Variants in ACOT11 observed in about 807,000 individuals in gnomAD.
The protein encoded by ACOT11 is acyl-coenzyme A thioesterase 11.
In ACOT11, 69 loss-of-function variants were observed where a neutral mutation model predicts 77.5. The ratio of observed to expected loss-of-function variants is 0.89; its 90% CI spans 0.73 to 1.09. The LOEUF (loss-of-function observed/expected upper bound fraction) is 1.09. Among genes scored for constraint, ACOT11 ranks in the 50% least tolerant of loss-of-function variants. The pLI, the probability that ACOT11 is intolerant of heterozygous loss-of-function variation, is 0.00. For missense variants in ACOT11, 766 were observed against 813.7 expected, an observed-to-expected ratio of 0.94 and a Z score of 0.71; for synonymous variants, 279 against 313.0, an observed-to-expected ratio of 0.89 and a Z score of 1.15.
chr1:54,594,440 G>A (rs565387843), intron 5 of ACOT11, 116 bp from the exon 6 acceptor site: 1 of 1,348,916 alleles, frequency 7.4e-7, no homozygotes, highest in African/African-American at 1.5e-5. Flanking sequence ...GAACTGAGCA[G>A]CAGCCCACGC....
chr1:54,623,470 G>A, intron 15 of ACOT11: 1 of 1,137,680 alleles, frequency 8.8e-7, no homozygotes, highest in African/African-American at 1.5e-5. Context: ...CTGGAATCCT[G>A]TGGGAGGCAG....
At chr1:54,621,860 T>G (rs1054475719) in intron 15 of ACOT11, 3 of 152,320 alleles carry the variant, frequency 2.0e-5, no homozygotes, top group African/African-American at 7.2e-5. Flanking sequence ...GGGGAAGAGA[T>G]GAGCTCAGCC....
At chr1:54,589,684 G>A (rs558536964) in intron 3 of ACOT11, among the ~76,000 whole-genome samples, 11 of 151,802 alleles carry the variant, frequency 7.2e-5, no homozygotes, top group Non-Finnish European at 1.5e-4. Flanking sequence ...ATGAGGTCTC[G>A]CTATGTTGAC....
intron 16 of ACOT11, chr1:54,630,981 C>T (rs4320822): frequency 0.016 from 8,459 of 525,252 alleles, 110 homozygotes; most frequent in Admixed American, 0.03. Flanking sequence ...ACACTGATAA[C>T]GAGGAGGAAC....
intron 16 of ACOT11, among the ~76,000 whole-genome samples, chr1:54,631,455 C>T (rs148146142): frequency 1.0e-3 from 159 of 152,260 alleles, no homozygotes; most frequent in African/African-American, 3.6e-3. Context: ...CTGACTGGGA[C>T]GCTCTTACTT....
At chr1:54,627,391 G>A (rs1644277926) in intron 15 of ACOT11, among the ~76,000 whole-genome samples, 1 of 134,816 alleles carries the variant, frequency 7.4e-6, no homozygotes, top group South Asian at 2.5e-4. Flanking sequence ...CTGGTTTTTG[G>A]CAGGAGGAAC....
At chr1:54,616,519 G>A (rs903662731) in intron 15 of ACOT11, among the ~76,000 whole-genome samples, 2 of 151,888 alleles carry the variant, frequency 1.3e-5, no homozygotes, top group Non-Finnish European at 2.9e-5. Context: ...ATTTACAGGC[G>A]TGTGCCACCA....
chr1:54,613,538 T>C (rs1037696477), downstream of ACOT11, among the ~76,000 whole-genome samples: 2 of 152,120 alleles, frequency 1.3e-5, no homozygotes, highest in African/African-American at 4.8e-5. Flanking sequence ...TCCGCTCACC[T>C]TGGCCTCCCA....
chr1:54,635,375 T>C (rs1044717746), exon 17 of ACOT11: 3 of 299,296 alleles, frequency 1.0e-5, no homozygotes, highest in Admixed American at 9.6e-5. Context: ...TCTGGAACCA[T>C]GGCGGTATAG....
intron 4 of ACOT11, among the ~76,000 whole-genome samples, chr1:54,593,567 T>G (rs1219799257): frequency 6.7e-6 from 1 of 149,862 alleles, no homozygotes; most frequent in Non-Finnish European, 1.5e-5. Flanking sequence ...CCCAAAATTC[T>G]AGAATTACAG....
At chr1:54,569,252 G>A (rs1653852598) in intron 1 of ACOT11, among the ~76,000 whole-genome samples, 1 of 151,946 alleles carries the variant, frequency 6.6e-6, no homozygotes. Flanking sequence ...ATGAGCCACT[G>A]TGTCTGGCAG....
At chr1:54,575,658 C>T (rs1654087690) in intron 1 of ACOT11, among the ~76,000 whole-genome samples, 1 of 152,246 alleles carries the variant, frequency 6.6e-6, no homozygotes, top group Admixed American at 6.5e-5. Context: ...AGAGTTTCTG[C>T]ATAGTAGATC....
chr1:54,602,994 A>G (rs1047582155), intron 10 of ACOT11, among the ~76,000 whole-genome samples: 6 of 152,234 alleles, frequency 3.9e-5, no homozygotes, highest in Admixed American at 6.5e-5. Context: ...AGTCCAGCCG[A>G]TTTTAAATCC....
In ACOT11 at chr1:54,601,354, G is replaced by C. The variant is rs1421124315; in HGVS notation, c.970G>C (p.Val324Leu). The C allele has an allele frequency of 6.2e-7, 1 of 1,613,772 alleles. No individual in the cohort carries two copies. Among genetic ancestry groups the C allele is most frequent in the East Asian group, 2.2e-5 (1 of 44,876 alleles). The change falls in exon 9 of 16, where the codon GTG (valine) becomes CTG (leucine). Residue 324 changes from valine (V) to leucine (L), a missense_variant. Physicochemically the swap from Val to Leu is conservative, Grantham distance 32. Coordinates refer to ENST00000343744, the MANE Select transcript of ACOT11 (RefSeq NM_147161.4). ...RHINSAFMTFVVLDADDQPQL... is the reference protein window; with the variant it reads ...RHINSAFMTFLVLDADDQPQL... Reference sequence around the variant, plus strand: ...CATCAACAGTGCCTTTATGACCTTTGTGGTCCTGGACGCAGATGACCAGCC... The same window carrying C: ...CATCAACAGTGCCTTTATGACCTTTCTGGTCCTGGACGCAGATGACCAGCC...
At chr1:54,562,911 T>C (rs1489178987) in intron 1 of ACOT11, among the ~76,000 whole-genome samples, 1 of 140,572 alleles carries the variant, frequency 7.1e-6, no homozygotes, top group African/African-American at 2.7e-5. Flanking sequence ...GAGACGCTCC[T>C]CACTTTCCAG....
intron 11 of ACOT11, 40 bp from the exon 12 acceptor site, chr1:54,604,306 A>T (rs748181110): frequency 1.9e-6 from 3 of 1,592,748 alleles, no homozygotes; most frequent in Admixed American, 1.7e-5. Flanking sequence ...GCCCTGAAGG[A>T]AGGGGGTGGG....
rs757397838 is a variant in ACOT11 at position 54,605,143 on chromosome 1, A to G, written c.1304A>G (p.Asp435Gly). The G allele has an allele frequency of 1.9e-6, 3 of 1,613,992 alleles. No individual in the cohort carries two copies. The Admixed American group carries it at 5.0e-5, about 27-fold the overall frequency. Reference protein sequence around the residue: ...SFHMEMVVHVDAAQAFLLLSD... With the variant: ...SFHMEMVVHVGAAQAFLLLSD... ...CACATGGAGATGGTGGTGCATGTGG[A>G]TGCAGCCCAGGCCTTCCTGCTGCTC... The change falls in exon 13 of 16, where the codon GAT becomes GGT. Residue 435 changes from aspartate (D) to glycine (G), a missense_variant. By Grantham distance (94) the Asp-to-Gly change is moderately conservative. Coordinates refer to ENST00000343744, the MANE Select transcript of ACOT11 (RefSeq NM_147161.4).
At position 54,605,066 on chromosome 1, in the gene ACOT11, T is replaced by C. The variant is rs1289388079; in HGVS notation, c.1237-10T>C. The C allele has an allele frequency of 1.2e-6, 2 of 1,611,398 alleles. No individual in the cohort carries two copies. Among genetic ancestry groups the C allele is most frequent in the Admixed American group, 3.3e-5 (2 of 59,900 alleles). ...ACCCAGCAAATGAGGCTGCCCTCTA[T>C]CCCATGCAGGTCCGCCTGTACACTC... On this transcript the variant is annotated splice_polypyrimidine_tract_variant and intron_variant, in intron 12 of 15. Transcript: ENST00000343744.
intron 1 of ACOT11, among the ~76,000 whole-genome samples, chr1:54,568,436 C>T (rs1472645940): frequency 2.1e-5 from 3 of 142,162 alleles, no homozygotes; most frequent in South Asian, 2.2e-4. Flanking sequence ...GCGACCTCGG[C>T]TCACTGCAAC....
Sources: gnomAD v4.1 joint callset for allele counts (sites outside exome capture counted in the v4.1 genomes callset) on GRCh38, gnomAD v4.1.1 for gene constraint, MANE v1.5 for transcripts, NCBI Gene and HGNC (gene_info 2026-07-23, HGNC 2026-07-21) for gene names.